Variants in PLEKHM3 observed in about 807,000 individuals in gnomAD.
PLEKHM3 encodes the protein pleckstrin homology domain containing M3.
Under a neutral mutation model 81.8 loss-of-function variants are expected in PLEKHM3, and 45 were observed. That is an observed-to-expected ratio of 0.55 (90% confidence interval 0.43 to 0.71). PLEKHM3 has a LOEUF of 0.71. PLEKHM3 is among the 30% of genes least tolerant of loss of function. The pLI is 0.00. For missense variants in PLEKHM3, 788 were observed against 924.3 expected (o/e 0.85, Z 1.91); for synonymous variants, 352 against 356.4 (o/e 0.99, Z 0.14).
At chr2:207,961,116 G>C (rs1024754909) in intron 3 of PLEKHM3, among the ~76,000 whole-genome samples, 2 of 152,218 alleles carry the variant, frequency 1.3e-5, no homozygotes, top group Admixed American at 1.3e-4. Context: ...ATAAACAGAA[G>C]ACCAAGCTCT....
intron 6 of PLEKHM3, among the ~76,000 whole-genome samples, chr2:207,874,566 C>T (rs2092551418): frequency 6.6e-6 from 1 of 151,094 alleles, no homozygotes; most frequent in Non-Finnish European, 1.5e-5. Flanking sequence ...AAGAATGAAA[C>T]TCCGTCTCAA....
intron 1 of PLEKHM3, among the ~76,000 whole-genome samples, chr2:208,009,601 T>C (rs914549441): frequency 9.9e-5 from 15 of 152,204 alleles, no homozygotes; most frequent in Non-Finnish European, 1.9e-4. Flanking sequence ...AGCTCAATGA[T>C]ATCAAGTAAC....
At chr2:207,861,859 A>G (rs1467985509) in intron 6 of PLEKHM3, among the ~76,000 whole-genome samples, 2 of 152,200 alleles carry the variant, frequency 1.3e-5, no homozygotes, top group African/African-American at 4.8e-5. Flanking sequence ...AAATGAAGTA[A>G]TTTAAAAATT....
intron 3 of PLEKHM3, among the ~76,000 whole-genome samples, chr2:207,965,882 T>TC (rs1369926906): frequency 5.9e-5 from 9 of 152,248 alleles, no homozygotes. Flanking sequence ...AGGAAAAACG[T>TC]ATTACTTATT....
At position 207,894,480 on chromosome 2, in the gene PLEKHM3, C is replaced by T. The variant is rs372616076; in HGVS notation, c.1950+14034G>A. Among the ~76,000 whole-genome samples the T allele has an allele frequency of 3.4e-5, 5 of 149,242 alleles. 1 individual carries two copies. In the Admixed American group the frequency reaches 3.4e-4, roughly 10 times the overall value. ...CCAGGGCTAATGATGGGTGCATTTG[C>T]CCTTTTCTTTCCCCACCTTTGCCCT... On this transcript the variant is annotated intron_variant, in intron 6 of 7. Transcript: ENST00000427836.
chr2:208,015,935 C>T (rs946568709), intron 1 of PLEKHM3, among the ~76,000 whole-genome samples: 6 of 152,108 alleles, frequency 3.9e-5, no homozygotes, highest in Non-Finnish European at 8.8e-5. Context: ...GGCTCATGCC[C>T]GTAATCCCAG....
intron 1 of PLEKHM3, chr2:208,019,516 T>C (rs1693051102): frequency 1.3e-5 from 2 of 152,284 alleles, no homozygotes; most frequent in African/African-American, 4.8e-5. Context: ...TCCAGGTCCA[T>C]TTTGAATGGC....
chr2:207,833,648 G>A (rs2092301283), intron 7 of PLEKHM3, among the ~76,000 whole-genome samples: 2 of 152,224 alleles, frequency 1.3e-5, no homozygotes, highest in Non-Finnish European at 1.5e-5. Context: ...GGCCTCTCTC[G>A]GCTAGATGCC....
chr2:207,840,799 G>A (rs72966127), intron 7 of PLEKHM3, among the ~76,000 whole-genome samples: 2 of 109,796 alleles, frequency 1.8e-5, no homozygotes, highest in Non-Finnish European at 1.8e-5. Context: ...CACTTTTTAT[G>A]TTTTTTTTTT....
At chr2:207,856,020 G>C (rs2092435688) in intron 7 of PLEKHM3, among the ~76,000 whole-genome samples, 1 of 152,142 alleles carries the variant, frequency 6.6e-6, no homozygotes, top group Non-Finnish European at 1.5e-5. Flanking sequence ...AACTGAGTGT[G>C]TGGTATATGG....
At chr2:207,865,189 G>A (rs187871236) in intron 6 of PLEKHM3, among the ~76,000 whole-genome samples, 249 of 152,150 alleles carry the variant, frequency 1.6e-3, no homozygotes, top group Middle Eastern at 3.4e-3. Flanking sequence ...TGGAACTTAT[G>A]GAGTTTATAG....
chr2:207,921,327 G>A (rs1273768160), intron 5 of PLEKHM3, among the ~76,000 whole-genome samples: 2 of 152,232 alleles, frequency 1.3e-5, no homozygotes, highest in South Asian at 2.1e-4. Flanking sequence ...GATTACAGGC[G>A]TGAGCCACTG....
intron 1 of PLEKHM3, among the ~76,000 whole-genome samples, chr2:208,003,929 A>G (rs1275098494): frequency 6.6e-6 from 1 of 152,384 alleles, no homozygotes; most frequent in African/African-American, 2.4e-5. Context: ...ACCAAGGTTC[A>G]GAGCATTAAG....
chr2:207,937,102 G>C (rs1407786907), intron 4 of PLEKHM3, among the ~76,000 whole-genome samples: 1 of 152,122 alleles, frequency 6.6e-6, no homozygotes, highest in Non-Finnish European at 1.5e-5. Context: ...ATTTATGTAT[G>C]TACGCACGCC....
In PLEKHM3 at chr2:207,921,160, T is replaced by C. The variant is rs528964124; in HGVS notation, c.1886+9766A>G. On this transcript the variant is annotated intron_variant, in intron 5 of 7. Transcript: ENST00000427836. ...GCCTCCTGGGTTCAAGTGATTCTCCTGCCTCAGCCTCTTGAGTAGCTGGGA... is the reference window on the plus strand; with the variant it reads ...GCCTCCTGGGTTCAAGTGATTCTCCCGCCTCAGCCTCTTGAGTAGCTGGGA... Among the ~76,000 whole-genome samples the C allele has an allele frequency of 2.2e-4, 33 of 152,262 alleles. No homozygotes were observed. The South Asian group carries it at 6.4e-3, about 30-fold the overall frequency.
chr2:207,955,209 A>C (rs1559254832), intron 3 of PLEKHM3, among the ~76,000 whole-genome samples: 1 of 152,188 alleles, frequency 6.6e-6, no homozygotes, highest in Non-Finnish European at 1.5e-5. Context: ...AAGATGCTTC[A>C]ATAGTGCTTT....
chr2:207,858,136 A>ATGTG (rs141449083), intron 7 of PLEKHM3, among the ~76,000 whole-genome samples: 1,303 of 126,880 alleles, frequency 0.01, 24 homozygotes, highest in African/African-American at 0.03. Flanking sequence ...TCATATAGAT[A>ATGTG]TGTGTGTGTG....
intron 5 of PLEKHM3, among the ~76,000 whole-genome samples, chr2:207,928,890 T>C (rs562868742): frequency 6.6e-6 from 1 of 152,240 alleles, no homozygotes; most frequent in Non-Finnish European, 1.5e-5. Flanking sequence ...CATTTTCTTA[T>C]TCACTCAACA....
chr2:207,854,820 G>A (rs1243221999), intron 7 of PLEKHM3, among the ~76,000 whole-genome samples: 2 of 152,216 alleles, frequency 1.3e-5, no homozygotes. Flanking sequence ...TGAACTCAGA[G>A]ATATGCTAAT....
Sources: allele counts gnomAD v4.1 joint callset (sites outside exome capture counted in the v4.1 genomes callset), GRCh38; gene constraint gnomAD v4.1.1; transcripts MANE v1.5; gene names NCBI Gene and HGNC (gene_info 2026-07-23, HGNC 2026-07-21).